RGPD3: variants seen among roughly 807,000 people sequenced by gnomAD.
RGPD3 encodes ranBP2-like and GRIP domain-containing protein 3.
A neutral mutation model predicts 154.5 loss-of-function variants in RGPD3; 62 were observed. That is an observed-to-expected ratio of 0.40 (90% CI 0.33 to 0.50). The LOEUF is 0.50. Among genes scored for constraint, RGPD3 ranks in the 20% least tolerant of loss-of-function variants. The pLI is 0.59. For missense variants in RGPD3, 919 were observed against 1,716.8 expected (o/e 0.54, Z 8.21); for synonymous variants, 308 against 607.0 (o/e 0.51, Z 7.24).
intron 6 of RGPD3, among the ~76,000 whole-genome samples, chr2:106,449,641 G>T (rs1158226093): frequency 6.6e-6 from 1 of 151,968 alleles, no homozygotes; most frequent in East Asian, 1.9e-4. Flanking sequence ...ACTTTGGAAG[G>T]CCAAGGCAGG....
At chr2:106,439,958 C>T (rs1313045264) in intron 8 of RGPD3, among the ~76,000 whole-genome samples, 2 of 106,590 alleles carry the variant, frequency 1.9e-5, no homozygotes, top group African/African-American at 3.3e-5. Flanking sequence ...TCATAGTCCT[C>T]GGATAAAGTA....
chr2:106,405,655 C>T (rs1336252434), intron 22 of RGPD3, among the ~76,000 whole-genome samples: 9 of 152,062 alleles, frequency 5.9e-5, no homozygotes, highest in South Asian at 2.1e-4. Flanking sequence ...ATTACAGTCA[C>T]GAGCCACTGT....
chr2:106,421,102 G>A (rs1352330526), intron 20 of RGPD3, among the ~76,000 whole-genome samples: 7 of 152,114 alleles, frequency 4.6e-5, no homozygotes, highest in Admixed American at 6.5e-5. Flanking sequence ...ACAGTACACC[G>A]TAAGATACAG....
At chr2:106,407,116 C>A (rs1405148512) in intron 22 of RGPD3, among the ~76,000 whole-genome samples, 3 of 149,258 alleles carry the variant, frequency 2.0e-5, no homozygotes, top group African/African-American at 7.4e-5. Flanking sequence ...GAAGAATCTA[C>A]TTCCAAACTT....
intron 1 of RGPD3, 36 bp from the exon 2 acceptor site, chr2:106,459,368 A>G (rs1305245184): frequency 6.8e-7 from 1 of 1,461,578 alleles, no homozygotes; most frequent in East Asian, 2.3e-5. Flanking sequence ...CGTTTCATAC[A>G]GAAATATTTT....
At chr2:106,410,928 A>AGTAATGAT (rs1676651768) in intron 22 of RGPD3, among the ~76,000 whole-genome samples, 1 of 151,896 alleles carries the variant, frequency 6.6e-6, no homozygotes, top group Non-Finnish European at 1.5e-5. Context: ...AGTATTGAGA[A>AGTAATGAT]CATTCCTCCT....
intron 6 of RGPD3, among the ~76,000 whole-genome samples, chr2:106,450,772 C>T (rs1326122833): frequency 4.5e-5 from 5 of 112,070 alleles, no homozygotes; most frequent in Non-Finnish European, 8.9e-5. Context: ...GTAGTTCCAC[C>T]TATTCAGGAG....
intron 1 of RGPD3, among the ~76,000 whole-genome samples, chr2:106,466,900 C>T (rs372554680): frequency 3.1e-5 from 3 of 97,284 alleles, no homozygotes; most frequent in African/African-American, 1.0e-4. Flanking sequence ...GGGTCGAGGC[C>T]GCCGCCTCCA....
intron 1 of RGPD3, among the ~76,000 whole-genome samples, chr2:106,464,864 C>CA (rs1307302366): frequency 6.6e-6 from 1 of 150,838 alleles, no homozygotes; most frequent in African/African-American, 2.4e-5. Flanking sequence ...GGTGGGACTA[C>CA]AGGCGCTGCC....
intron 20 of RGPD3, among the ~76,000 whole-genome samples, chr2:106,418,156 A>C (rs1676870582): frequency 6.9e-6 from 1 of 144,786 alleles, no homozygotes; most frequent in African/African-American, 2.5e-5. Flanking sequence ...AAAAAAACTT[A>C]GTCATCAAAC....
intron 22 of RGPD3, chr2:106,412,641 A>C (rs1262386409): frequency 2.8e-6 from 1 of 357,690 alleles, no homozygotes; most frequent in Non-Finnish European, 5.5e-6. Flanking sequence ...ATTTGCCTAG[A>C]AAGTGGACTG....
At chr2:106,441,968 C>T (rs1264871417) in intron 7 of RGPD3, among the ~76,000 whole-genome samples, 37 of 138,420 alleles carry the variant, frequency 2.7e-4, no homozygotes, top group African/African-American at 9.3e-4. Flanking sequence ...ATCACTTGAG[C>T]CCAGAGTTCA....
chr2:106,448,193 C>T (rs1364429432), intron 6 of RGPD3, among the ~76,000 whole-genome samples: 1 of 151,768 alleles, frequency 6.6e-6, no homozygotes, highest in Non-Finnish European at 1.5e-5. Context: ...CTGCAACCTC[C>T]ACCTCCCAGG....
Position 106,436,467 on chromosome 2 carries a change from T to C in RGPD3, c.1581A>G (p.Glu527=). Reference sequence around the variant, plus strand: ...CCGCATCCCACCAAGATTTTTGTCTTTCTGTACAAAGCTGTTTACACACAG... The same window carrying C: ...CCGCATCCCACCAAGATTTTTGTCTCTCTGTACAAAGCTGTTTACACACAG... ...PLPVCKQLCT[E]RQKSWWDAVC... is the part of the protein sequence containing the mutation. Residue 527 remains glutamate (E), a synonymous_variant, in exon 11 of 23, where the codon GAA becomes GAG. Transcript: ENST00000409886. 6 of 1,609,892 alleles carry C rather than the reference T, an allele frequency of 3.7e-6. No individual in the cohort carries two copies. The highest frequency in any genetic ancestry group is 5.1e-6 in the Non-Finnish European group (6 of 1,178,192).
intron 6 of RGPD3, among the ~76,000 whole-genome samples, chr2:106,448,104 TTG>T (rs1677989051): frequency 6.7e-6 from 1 of 148,808 alleles, no homozygotes; most frequent in South Asian, 2.1e-4. Context: ...ATTAAATAAA[TTG>T]TCTTTTTTTT....
At chr2:106,412,533 A>T (rs1676708293) in intron 22 of RGPD3, among the ~76,000 whole-genome samples, 1 of 151,196 alleles carries the variant, frequency 6.6e-6, no homozygotes, top group Non-Finnish European at 1.5e-5. Flanking sequence ...TGGTCTCGGT[A>T]TCTTGATCTT....
chr2:106,417,823 A>G (rs537699002), intron 20 of RGPD3, among the ~76,000 whole-genome samples: 2,781 of 150,796 alleles, frequency 0.018, 27 homozygotes, highest in Admixed American at 0.033. Flanking sequence ...AATTGCTAAA[A>G]CATTTCTTAA....
At chr2:106,465,826 C>A (rs1442482466) in intron 1 of RGPD3, among the ~76,000 whole-genome samples, 1 of 151,250 alleles carries the variant, frequency 6.6e-6, no homozygotes, top group Non-Finnish European at 1.5e-5. Flanking sequence ...TGGACCCTTA[C>A]AAAGGGACAG....
intron 20 of RGPD3, among the ~76,000 whole-genome samples, chr2:106,420,791 T>C (rs1676960015): frequency 6.6e-6 from 1 of 152,274 alleles, no homozygotes; most frequent in Non-Finnish European, 1.5e-5. Context: ...ATGTATTTAT[T>C]TGAGATGCGG....
Sources: allele counts gnomAD v4.1 joint callset (sites outside exome capture counted in the v4.1 genomes callset), GRCh38; gene constraint gnomAD v4.1.1; transcripts MANE v1.5; gene names NCBI Gene and HGNC (gene_info 2026-07-23, HGNC 2026-07-21).